MACF1: variants seen among roughly 807,000 people sequenced by gnomAD.
The protein encoded by MACF1 is microtubule actin crosslinking factor 1, also known as microtubule-actin cross-linking factor 1.
In MACF1, 193 loss-of-function variants were observed where a neutral mutation model predicts 854.8. The observed-to-expected ratio is 0.23, with a 90% CI of 0.20 to 0.25. The LOEUF is 0.25. MACF1 is among the 10% of genes least tolerant of loss of function. The probability of loss-of-function intolerance (pLI) is 1.00; values close to 1 mark genes in which losing one functional copy is unlikely to be tolerated. For synonymous variants in MACF1, 3,185 were observed against 3,226.7 expected (o/e 0.99, Z 0.44); for missense variants, 7,722 against 8,929.1 (o/e 0.86, Z 5.45).
chr1:39,414,206 C>T, intron 58 of MACF1: 2 of 1,613,844 alleles, frequency 1.2e-6, no homozygotes, highest in Non-Finnish European at 1.7e-6. Flanking sequence ...GCTTCAGTGC[C>T]CACCCCAGAG....
chr1:39,300,323 C>G lies in MACF1; in HGVS notation c.2595C>G (p.Thr865=). Residue 865 remains threonine, a synonymous_variant, in exon 22 of 101, where the codon ACC becomes ACG. Coordinates refer to ENST00000564288, the MANE Select transcript of MACF1 (RefSeq NM_001394062.1). ...PRSPDHVLKN[T]ISVKAVCDYR... ...GTCCAGACCATGTGTTAAAGAACAC[C>G]ATTTCTGTCAAGGCTGTCTGTGACT... The G allele has an allele frequency of 6.2e-7, 1 of 1,613,800 alleles. No individual in the cohort carries two copies. Among genetic ancestry groups the G allele is most frequent in the Non-Finnish European group, 8.5e-7 (1 of 1,179,942 alleles).
chr1:39,355,242 C>G (rs80253054), intron 44 of MACF1, among the ~76,000 whole-genome samples: 3,040 of 152,204 alleles, frequency 0.02, 110 homozygotes, highest in African/African-American at 0.07. Context: ...AATGGTTCTG[C>G]TGTCATAGGG....
chr1:39,468,060 C>T (rs1441532538), intron 95 of MACF1: 1 of 152,206 alleles, frequency 6.6e-6, no homozygotes, highest in Non-Finnish European at 1.5e-5. Flanking sequence ...GGTGCAGAGG[C>T]AGTGGTGTGA....
chr1:39,324,214 C>G lies in MACF1; in HGVS notation c.4258C>G (p.Gln1420Glu). ...EEEKVVEEEK[Q>E]EHVEKVKELL... ...CTAGAAAGTGGTAGAAGAGGAGAAA[C>G]AAGAACATGTGGAGAAGGTTAAAGA... The change falls in exon 34 of 101, where the codon CAA becomes GAA. Residue 1420 changes from glutamine (Q) to glutamate (E), a missense_variant. Physicochemically the swap from Gln to Glu is conservative, Grantham distance 29 (BLOSUM62 2). Coordinates refer to ENST00000564288, the MANE Select transcript of MACF1 (RefSeq NM_001394062.1). The G allele has an allele frequency of 6.2e-7, 1 of 1,604,658 alleles. No homozygotes were observed. The highest frequency in any genetic ancestry group is 2.3e-5 in the East Asian group (1 of 44,208).
intron 2 of MACF1, among the ~76,000 whole-genome samples, chr1:39,249,395 G>T (rs1645015367): frequency 6.6e-6 from 1 of 152,138 alleles, no homozygotes; most frequent in Non-Finnish European, 1.5e-5. Context: ...TTAGAGATGT[G>T]AGAGATAGAT....
intron 80 of MACF1, among the ~76,000 whole-genome samples, chr1:39,446,222 G>C (rs1644226155): frequency 6.6e-6 from 1 of 151,606 alleles, no homozygotes; most frequent in African/African-American, 2.4e-5. Flanking sequence ...AAATGTGTGT[G>C]GTGCTGTAGT....
chr1:39,407,163 C>T (rs1224255816), intron 58 of MACF1, among the ~76,000 whole-genome samples: 1 of 152,190 alleles, frequency 6.6e-6, no homozygotes, highest in Admixed American at 6.5e-5. Flanking sequence ...AGGAAAGTCA[C>T]CAGTTTAGGG....
intron 58 of MACF1, chr1:39,411,390 A>T (rs1218812160): frequency 1.8e-5 from 29 of 1,613,908 alleles, no homozygotes; most frequent in Non-Finnish European, 2.0e-5. Context: ...TGGAGGATGG[A>T]TCCGATTGCT....
chr1:39,106,803 C>T (rs1642253477), intron 2 of MACF1, among the ~76,000 whole-genome samples: 1 of 138,634 alleles, frequency 7.2e-6, no homozygotes, highest in Non-Finnish European at 1.6e-5. Context: ...CTCCCCCCTC[C>T]CCCCCACTTT....
At chr1:39,357,269 A>G in intron 44 of MACF1, 106 bp from the exon 45 acceptor site, 2 of 1,257,382 alleles carry the variant, frequency 1.6e-6, no homozygotes, top group East Asian at 2.3e-5. Context: ...CCAAGGCTGA[A>G]TGTAAGCAGA....
intron 2 of MACF1, among the ~76,000 whole-genome samples, chr1:39,176,226 C>T (rs1226585022): frequency 2.0e-5 from 3 of 148,790 alleles, no homozygotes; most frequent in South Asian, 2.2e-4. Context: ...TGCAGTGAGC[C>T]GAGATCACAC....
In MACF1 at chr1:39,316,447, A is replaced by G. The variant is rs2148445533; in HGVS notation, c.3506A>G (p.Lys1169Arg). Residue 1169 changes from lysine to arginine, a missense_variant, in exon 28 of 101, where the codon AAA (lysine) becomes AGA (arginine). Transcript: ENST00000564288. ...ATACAGGATGCTGAACTCTTGGTCA[A>G]AGGTTATGAGATTAAGCTGAGTCAA... Reference protein sequence around the residue: ...RSIQDAELLVKGYEIKLSQEE... With the variant: ...RSIQDAELLVRGYEIKLSQEE... 6.2e-7 allele frequency: 1 copy of G among 1,614,046 alleles called. No homozygotes were observed. The highest frequency in any genetic ancestry group is 8.5e-7 in the Non-Finnish European group (1 of 1,179,930).
intron 90 of MACF1, 51 bp from the exon 91 acceptor site, chr1:39,459,035 T>C (rs921271866): frequency 6.7e-7 from 1 of 1,486,536 alleles, no homozygotes; most frequent in Non-Finnish European, 9.2e-7. Context: ...CAGCTATTTC[T>C]CTTTGTATAC....
At chr1:39,268,844 A>G (rs1201954251) in intron 6 of MACF1, 2 of 1,289,714 alleles carry the variant, frequency 1.6e-6, no homozygotes, top group African/African-American at 3.0e-5. Flanking sequence ...CTCACCAGGA[A>G]GAAACCTCAG....
At chr1:39,257,493 G>C (rs1002109936) in intron 5 of MACF1, 1 of 156,308 alleles carries the variant, frequency 6.4e-6, no homozygotes, top group Non-Finnish European at 1.4e-5. Flanking sequence ...TAGCAGAGAC[G>C]GGGTTTCACC....
At position 39,247,837 on chromosome 1, in the gene MACF1, C is replaced by A. The variant is rs143030317; in HGVS notation, c.172-2177C>A. Among the ~76,000 whole-genome samples, 412 of 152,192 alleles carry A rather than the reference C, an allele frequency of 2.7e-3. 4 individuals carry two copies. The highest frequency in any genetic ancestry group is 0.018 in the Admixed American group (280 of 15,292). On this transcript the variant is annotated intron_variant, in intron 2 of 100. Transcript: ENST00000564288. ...CACAAGGTCGGGAGATTGAGGCCAA[C>A]ATGGTGAAACCCCGTCTCTACTAAA...
At position 39,105,736 on chromosome 1, in the gene MACF1, C is replaced by T. The variant is rs774120056; in HGVS notation, c.220+21298C>T. 7 of 1,130,954 alleles carry T rather than the reference C, an allele frequency of 6.2e-6. No individual in the cohort carries two copies. The South Asian group carries it at 7.6e-5, about 12-fold the overall frequency. The allele number at this position is 1,130,954 out of a possible 1,614,324, so 70.1% of individuals were successfully genotyped here. A position where few individuals can be genotyped will look rare whatever the true frequency, so the allele number is the denominator to read the frequency against. ...TACAAAGGTAGGGCCGGGGACTGGC[C>T]GGCGCTGAGGCCCGCGGGCCGGCGC... On this transcript the variant is annotated intron_variant, in intron 2 of 93. Transcript: ENST00000361689. The surrounding 1 kb of genome is among the most constrained non-coding windows in gnomAD (Gnocchi z 5.9).
chr1:39,465,040 GT>G (rs1644635225), intron 94 of MACF1, 54 bp from the exon 95 acceptor site: 2 of 1,512,726 alleles, frequency 1.3e-6, no homozygotes, highest in East Asian at 4.5e-5. Flanking sequence ...TTGACAAAAT[GT>G]TCTCTTTTTT....
chr1:39,247,097 G>A (rs1269725397), intron 2 of MACF1, among the ~76,000 whole-genome samples: 1 of 124,406 alleles, frequency 8.0e-6, no homozygotes, highest in African/African-American at 3.1e-5. Flanking sequence ...TTTTGAGACG[G>A]AGTTTCGCTC....
Sources: allele counts gnomAD v4.1 joint callset (sites outside exome capture counted in the v4.1 genomes callset), GRCh38; gene constraint gnomAD v4.1.1; non-coding constraint Gnocchi (gnomAD v3.1); transcripts MANE v1.5; gene names NCBI Gene and HGNC (gene_info 2026-07-23, HGNC 2026-07-21).